The following SETD5 variants were observed in gnomAD, a reference collection of about 807,000 sequenced individuals.
SETD5 encodes the protein SET domain containing 5, also known as histone-lysine N-methyltransferase SETD5.
Under a neutral mutation model 153.3 loss-of-function variants are expected in SETD5, and 44 were observed. The ratio of observed to expected loss-of-function variants is 0.29; its 90% confidence interval spans 0.23 to 0.37. SETD5 has a LOEUF of 0.37. Ranked by LOEUF, SETD5 falls within the 10% of genes least tolerant of loss-of-function variation. SETD5 has a pLI of 1.00. For missense variants in SETD5, 1,544 were observed against 1,768.0 expected (o/e 0.87, Z 2.27); for synonymous variants, 716 against 645.2 (o/e 1.11, Z -1.66).
At chr3:9,411,841 A>G (rs1413886563) in intron 1 of SETD5, among the ~76,000 whole-genome samples, 1 of 152,324 alleles carries the variant, frequency 6.6e-6, no homozygotes, top group African/African-American at 2.4e-5. Flanking sequence ...TGGTTATATG[A>G]AAAGAACCAA....
intron 7 of SETD5, among the ~76,000 whole-genome samples, chr3:9,438,930 C>G (rs1472625305): frequency 6.6e-6 from 1 of 152,218 alleles, no homozygotes; most frequent in African/African-American, 2.4e-5. Context: ...TTGAGAACCA[C>G]TACTCTAAAC....
chr3:9,410,856 A>G (rs911769554), intron 1 of SETD5, among the ~76,000 whole-genome samples: 1 of 151,082 alleles, frequency 6.6e-6, no homozygotes, highest in Non-Finnish European at 1.5e-5. Flanking sequence ...GAGATAAGAA[A>G]CTTTCTCCAG....
intron 16 of SETD5, among the ~76,000 whole-genome samples, chr3:9,451,098 AAC>A (rs1467359266): frequency 6.6e-6 from 1 of 152,180 alleles, no homozygotes; most frequent in Non-Finnish European, 1.5e-5. Flanking sequence ...TCCTCTTCTA[AAC>A]ACAATGTGTA....
At chr3:9,451,049 C>A (rs563166296) in intron 16 of SETD5, among the ~76,000 whole-genome samples, 5 of 152,162 alleles carry the variant, frequency 3.3e-5, no homozygotes, top group Admixed American at 2.6e-4. Context: ...AAGTGGCCAA[C>A]AAGGCTCTCA....
chr3:9,439,725 G>C (rs1301212038), intron 7 of SETD5, among the ~76,000 whole-genome samples: 1 of 152,070 alleles, frequency 6.6e-6, no homozygotes, highest in Middle Eastern at 3.2e-3. Flanking sequence ...TTTTCCTAGA[G>C]GAGTATAGCA....
rs2035083316 is a variant in SETD5, at chr3:9,403,135, C to A, written c.-177+5158C>A. Among the ~76,000 whole-genome samples, 4 of 152,074 alleles carry A rather than the reference C, an allele frequency of 2.6e-5. No individual in the cohort carries two copies. The South Asian group carries it at 8.3e-4, about 32-fold the overall frequency. On this transcript the variant is annotated intron_variant, in intron 1 of 22. Coordinates refer to ENST00000402198, the MANE Select transcript of SETD5 (RefSeq NM_001080517.3). Reference sequence around the variant, plus strand: ...CTGGGAGATTATTCAGTTTGGCATACAATTAAAGAAATCATTTTTAGTTCC... The same window carrying A: ...CTGGGAGATTATTCAGTTTGGCATAAAATTAAAGAAATCATTTTTAGTTCC...
chr3:9,472,787 AG>A (rs1265323543), intron 19 of SETD5, among the ~76,000 whole-genome samples: 1 of 151,728 alleles, frequency 6.6e-6, no homozygotes, highest in Non-Finnish European at 1.5e-5. Flanking sequence ...AGCTAACTCT[AG>A]GGGTTCCCAA....
At chr3:9,403,147 T>C (rs1157893997) in intron 1 of SETD5, among the ~76,000 whole-genome samples, 2 of 152,146 alleles carry the variant, frequency 1.3e-5, no homozygotes, top group Non-Finnish European at 2.9e-5. Context: ...ATTAAAGAAA[T>C]CATTTTTAGT....
intron 1 of SETD5, among the ~76,000 whole-genome samples, chr3:9,402,353 A>T (rs2034922016): frequency 6.6e-6 from 1 of 152,146 alleles, no homozygotes; most frequent in Admixed American, 6.5e-5. Flanking sequence ...ATGTGCCCTC[A>T]CTGAGCAAGG....
At chr3:9,411,263 T>G (rs1375864988) in intron 1 of SETD5, among the ~76,000 whole-genome samples, 1 of 152,180 alleles carries the variant, frequency 6.6e-6, no homozygotes, top group Non-Finnish European at 1.5e-5. Context: ...TTGAATGGTT[T>G]GCCCTTAGAC....
intron 3 of SETD5, 89 bp from the exon 4 acceptor site, chr3:9,433,756 A>T: frequency 3.0e-6 from 4 of 1,320,102 alleles, no homozygotes; most frequent in Non-Finnish European, 4.3e-6. Context: ...GGTTGTGGAA[A>T]GAGGAGGGGT....
At chr3:9,441,426 A>G (rs370603017) in intron 8 of SETD5, among the ~76,000 whole-genome samples, 167 bp from the exon 9 acceptor site, 1 of 151,878 alleles carries the variant, frequency 6.6e-6, no homozygotes, top group East Asian at 1.9e-4. Context: ...TGTCTCTTAG[A>G]AAAATTGAGC....
At chr3:9,424,388 A>G (rs2038850325) in intron 1 of SETD5, 79 bp from the exon 2 acceptor site, 1 of 152,194 alleles carries the variant, frequency 6.6e-6, no homozygotes, top group African/African-American at 2.4e-5. Flanking sequence ...CAGAAACATA[A>G]TATAGCTGTA....
At position 9,458,492 on chromosome 3, in the gene SETD5, C is replaced by G. The variant is rs1466463928; in HGVS notation, c.2476+4624C>G. Among the ~76,000 whole-genome samples, 3 of 152,056 alleles carry G rather than the reference C, an allele frequency of 2.0e-5. No homozygotes were observed. The East Asian group carries it at 5.8e-4, about 29-fold the overall frequency. ...TTAGCCAGGCATGATGGTGGGTTGC[C>G]TGTAGCCTTAAGGAGGCTGAAGTAG... On this transcript the variant is annotated intron_variant, in intron 17 of 22. Coordinates refer to ENST00000402198, the MANE Select transcript of SETD5 (RefSeq NM_001080517.3).
In SETD5 at chr3:9,441,754, T is replaced by A; in HGVS notation, c.959+13T>A. The A allele has an allele frequency of 1.2e-6, 2 of 1,613,960 alleles. No individual in the cohort carries two copies. The highest frequency in any genetic ancestry group is 1.7e-6 in the Non-Finnish European group (2 of 1,179,826). On this transcript the variant is annotated intron_variant, in intron 9 of 22. Coordinates refer to ENST00000402198, the MANE Select transcript of SETD5 (RefSeq NM_001080517.3). ...ATTTCTTCAAAAAGTAAGAACGTCA[T>A]TCATTGAGCAGTGAGGGCTAAGGTG...
At chr3:9,460,747 T>C (rs185738158) in intron 17 of SETD5, among the ~76,000 whole-genome samples, 4 of 152,294 alleles carry the variant, frequency 2.6e-5, no homozygotes, top group African/African-American at 4.8e-5. Flanking sequence ...CTATTTGTTA[T>C]GGGGAAAGGA....
At chr3:9,428,063 T>G (rs2039523213) in intron 2 of SETD5, among the ~76,000 whole-genome samples, 1 of 152,146 alleles carries the variant, frequency 6.6e-6, no homozygotes, top group Admixed American at 6.5e-5. Flanking sequence ...AGTAGTCAAC[T>G]TTTTTAGAGC....
At chr3:9,459,346 C>T (rs2043645610) in intron 17 of SETD5, among the ~76,000 whole-genome samples, 1 of 152,102 alleles carries the variant, frequency 6.6e-6, no homozygotes, top group Non-Finnish European at 1.5e-5. Context: ...AATGGAGTAT[C>T]ATATACTATT....
intron 7 of SETD5, 62 bp from the exon 8 acceptor site, chr3:9,440,394 C>T: frequency 2.3e-6 from 2 of 877,026 alleles, no homozygotes; most frequent in Non-Finnish European, 3.8e-6. Flanking sequence ...TGTCCCACCC[C>T]CATTCCCAAC....
Sources: allele counts gnomAD v4.1 joint callset (sites outside exome capture counted in the v4.1 genomes callset), GRCh38; gene constraint gnomAD v4.1.1; transcripts MANE v1.5; gene names NCBI Gene and HGNC (gene_info 2026-07-23, HGNC 2026-07-21).